Variants in ERICH6 observed in about 807,000 individuals in gnomAD.
The protein encoded by ERICH6 is glutamate-rich protein 6.
A neutral mutation model predicts 71.0 loss-of-function variants in ERICH6; 71 were observed. The ratio of observed to expected loss-of-function variants is 1.00; its 90% CI spans 0.83 to 1.22. The LOEUF (loss-of-function observed/expected upper bound fraction) is 1.22, where lower values mean the gene tolerates loss of function less well. ERICH6 is among the 50% of genes most tolerant of loss of function. The pLI is 0.00. For synonymous variants in ERICH6, 262 were observed against 278.4 expected, an observed-to-expected ratio of 0.94 and a Z score of 0.59; for missense variants, 808 against 797.2, an observed-to-expected ratio of 1.01 and a Z score of -0.16.
At chr3:150,679,615 T>C (rs1245924496) in intron 9 of ERICH6, among the ~76,000 whole-genome samples, 7 of 152,194 alleles carry the variant, frequency 4.6e-5, no homozygotes, top group South Asian at 2.1e-4. Flanking sequence ...ACTACAGTGA[T>C]ACTGGTGAGC....
chr3:150,673,680 C>T (rs924484707), intron 11 of ERICH6, among the ~76,000 whole-genome samples: 1 of 152,196 alleles, frequency 6.6e-6, no homozygotes, highest in Admixed American at 6.5e-5. Context: ...CCTCTACCTC[C>T]TGAGCCCAGA....
At chr3:150,681,872 T>C (rs952009195) in intron 7 of ERICH6, among the ~76,000 whole-genome samples, 3 of 134,464 alleles carry the variant, frequency 2.2e-5, no homozygotes, top group Non-Finnish European at 4.6e-5. Context: ...TGGAGTGCAG[T>C]GGCACGATCT....
chr3:150,693,150 T>C (rs1712517353), intron 3 of ERICH6, among the ~76,000 whole-genome samples: 1 of 152,230 alleles, frequency 6.6e-6, no homozygotes, highest in African/African-American at 2.4e-5. Flanking sequence ...ATTTGTTTTC[T>C]CTCTACCTGA....
At chr3:150,684,914 G>C (rs1374003368) in intron 6 of ERICH6, among the ~76,000 whole-genome samples, 1 of 151,920 alleles carries the variant, frequency 6.6e-6, no homozygotes, top group Admixed American at 6.6e-5. Context: ...ACAGAGGTGA[G>C]GATTGCTTGA....
intron 3 of ERICH6, among the ~76,000 whole-genome samples, chr3:150,693,766 A>G (rs994807656): frequency 6.6e-6 from 1 of 152,218 alleles, no homozygotes; most frequent in Non-Finnish European, 1.5e-5. Context: ...ACTTGTTGTT[A>G]GATTCTTGTC....
At chr3:150,666,496 C>T (rs536351998) in intron 13 of ERICH6, among the ~76,000 whole-genome samples, 4 of 152,248 alleles carry the variant, frequency 2.6e-5, no homozygotes, top group South Asian at 2.1e-4. Context: ...AAACACAATA[C>T]GAAATCTTTA....
chr3:150,686,323 A>G lies in ERICH6; in HGVS notation c.585T>C (p.Pro195=), dbSNP rs779477196. ...RKKASKEKAE[P]ECLASKLREK... is the part of the protein sequence containing the mutation. Reference sequence around the variant, plus strand: ...CTCTTAACTTAGATGCCAGACATTCAGGTTCAGCTTTCTCTTTAGAGGCTT... The same window carrying G: ...CTCTTAACTTAGATGCCAGACATTCGGGTTCAGCTTTCTCTTTAGAGGCTT... The change falls in exon 4 of 14, where the codon CCT becomes CCC. Residue 195 remains proline, a synonymous_variant. Transcript: ENST00000295910. 9 of 1,614,100 alleles carry G rather than the reference A, an allele frequency of 5.6e-6. No homozygotes were observed. Among genetic ancestry groups the G allele is most frequent in the Non-Finnish European group, 5.1e-6 (6 of 1,180,026 alleles).
chr3:150,671,443 CA>C (rs1270129066), intron 11 of ERICH6, among the ~76,000 whole-genome samples: 1 of 152,100 alleles, frequency 6.6e-6, no homozygotes, highest in Non-Finnish European at 1.5e-5. Flanking sequence ...TCCAAGTGAT[CA>C]ATAACTTGGT....
rs542259364 is a variant in ERICH6 at position 150,677,795 on chromosome 3, T to A, written c.1257+614A>T. On this transcript the variant is annotated intron_variant, in intron 10 of 13. Coordinates refer to ENST00000295910, the MANE Select transcript of ERICH6 (RefSeq NM_152394.5). ...TAAAGGTGTGAGCCACTGTACCTGG[T>A]CTTGGAAAATTTGTTTTTATAATTA... Among the ~76,000 whole-genome samples, 6 of 152,260 alleles carry A rather than the reference T, an allele frequency of 3.9e-5. No homozygotes were observed. The East Asian group carries it at 9.6e-4, about 24-fold the overall frequency.
At chr3:150,675,340 T>C (rs1711611327) in intron 10 of ERICH6, among the ~76,000 whole-genome samples, 1 of 152,174 alleles carries the variant, frequency 6.6e-6, no homozygotes, top group African/African-American at 2.4e-5. Flanking sequence ...GTGATCCTCT[T>C]ATCTTTATCT....
intron 1 of ERICH6, 43 bp from the exon 2 acceptor site, chr3:150,702,221 C>CT: frequency 9.2e-7 from 1 of 1,086,808 alleles, no homozygotes; most frequent in Non-Finnish European, 1.3e-6. Context: ...CCCTCTAAAT[C>CT]AAAAGGTCAA....
chr3:150,678,657 A>G (rs1464240238), intron 9 of ERICH6, 103 bp from the exon 10 acceptor site: 21 of 878,952 alleles, frequency 2.4e-5, no homozygotes, highest in Non-Finnish European at 3.5e-5. Context: ...GCACTGATTC[A>G]TAAGACATTT....
chr3:150,665,985 G>A (rs556967087), intron 13 of ERICH6, among the ~76,000 whole-genome samples: 43 of 152,192 alleles, frequency 2.8e-4, no homozygotes, highest in Admixed American at 2.6e-3. Flanking sequence ...TTAGTGCCAA[G>A]TACCACCCTT....
At position 150,674,993 on chromosome 3, in the gene ERICH6, C is replaced by T. The variant is rs143754836; in HGVS notation, c.1258-952G>A. ...ACTAAACATAGAAAAATTAGTTGGG[C>T]GTGGTGGCACACGCCTGTAATCCCA... On this transcript the variant is annotated intron_variant, in intron 10 of 13. Transcript: ENST00000295910. Among the ~76,000 whole-genome samples, 571 of 152,134 alleles carry T rather than the reference C, an allele frequency of 3.8e-3. 7 individuals carry two copies. The highest frequency in any genetic ancestry group is 0.013 in the African/African-American group (544 of 41,516).
At chr3:150,694,263 T>C (rs911601215) in intron 3 of ERICH6, among the ~76,000 whole-genome samples, 1 of 152,046 alleles carries the variant, frequency 6.6e-6, no homozygotes, top group African/African-American at 2.4e-5. Flanking sequence ...TATTTATTAT[T>C]ATTATTTGGT....
Position 150,702,124 on chromosome 3 carries a change from T to C in ERICH6, c.458A>G (p.Asp153Gly). The change falls in exon 2 of 14, where the codon GAT becomes GGT. Residue 153 changes from aspartate (D) to glycine (G), a missense_variant. Around this residue, in one of 3 missense-constraint regions of ERICH6, gnomAD observed 736 missense variants for 712.2 expected, o/e 1.03. Transcript: ENST00000295910. ...FRKDMSEMSIDRNIHRNLSPG... is the reference protein window; with the variant it reads ...FRKDMSEMSIGRNIHRNLSPG... ...AAATTTGAAAACATTTTCTTACCTA[T>C]CTATACTCATTTCAGACATGTCTTT... The C allele has an allele frequency of 6.4e-7, 1 of 1,561,008 alleles. No homozygotes were observed. The highest frequency in any genetic ancestry group is 8.8e-7 in the Non-Finnish European group (1 of 1,142,182).
chr3:150,702,340 G>C (rs1388995054), intron 1 of ERICH6, among the ~76,000 whole-genome samples, 162 bp from the exon 2 acceptor site: 1 of 141,410 alleles, frequency 7.1e-6, no homozygotes, highest in African/African-American at 2.6e-5. Context: ...GCAATGGCGC[G>C]ATCTTGGCTC....
chr3:150,660,531 A>G (rs548199822), intron 13 of ERICH6, among the ~76,000 whole-genome samples: 1 of 152,258 alleles, frequency 6.6e-6, no homozygotes, highest in South Asian at 2.1e-4. Flanking sequence ...GGCACTGAGA[A>G]GGGCAATTTT....
chr3:150,678,525 G>A lies in ERICH6; in HGVS notation c.1141C>T (p.Gln381Ter). The part of the protein sequence containing the change: ...DSKRLKTISY[Q>*]LSVDIPEKQI... ...TTTTCTGGAATATCCACAGAAAGTT[G>A]ATAAGAAATTGTTTTTAAGCGCTTT... Residue 381 changes from glutamine to a stop codon, truncating the protein, a stop_gained, in exon 10 of 14, where the codon CAA becomes TAA. Coordinates refer to ENST00000295910, the MANE Select transcript of ERICH6 (RefSeq NM_152394.5). LOFTEE classifies it high-confidence loss of function. 1 of 1,600,784 alleles carries A rather than the reference G, an allele frequency of 6.2e-7. No homozygotes were observed. The highest frequency in any genetic ancestry group is 8.5e-7 in the Non-Finnish European group (1 of 1,176,676).
Sources: gnomAD v4.1 joint callset for allele counts (sites outside exome capture counted in the v4.1 genomes callset) on GRCh38, gnomAD v4.1.1 for gene constraint, gnomAD v4.1.1 regional missense constraint, MANE v1.5 for transcripts, NCBI Gene and HGNC (gene_info 2026-07-23, HGNC 2026-07-21) for gene names.